The following ASTN1 variants were observed in gnomAD, a reference collection of about 807,000 sequenced individuals.
ASTN1 encodes the protein astrotactin 1.
Under a neutral mutation model 140.7 loss-of-function variants are expected in ASTN1, and 41 were observed. The ratio of observed to expected loss-of-function variants is 0.29; its 90% CI spans 0.23 to 0.38. The LOEUF is 0.38. Among genes scored for constraint, ASTN1 ranks in the 10% least tolerant of loss-of-function variants. ASTN1 has a pLI of 1.00. For missense variants in ASTN1, 1,479 were observed against 1,678.8 expected (o/e 0.88, Z 2.08); for synonymous variants, 640 against 652.2 (o/e 0.98, Z 0.29).
intron 16 of ASTN1, among the ~76,000 whole-genome samples, chr1:176,912,075 A>C (rs1670265502): frequency 6.6e-6 from 1 of 152,218 alleles, no homozygotes; most frequent in Non-Finnish European, 1.5e-5. Context: ...CTCTTTAATA[A>C]AATATCAAAT....
In ASTN1 at chr1:176,957,871, T is replaced by G. The variant is rs769097177; in HGVS notation, c.1737-43A>C. ...GGGAAGCAGGGAGGAGTCAAGGAGATTCCAGATGCAACAAGTGGCATTACA... is the reference window on the plus strand; with the variant it reads ...GGGAAGCAGGGAGGAGTCAAGGAGAGTCCAGATGCAACAAGTGGCATTACA... On this transcript the variant is annotated intron_variant, in intron 10 of 22. Transcript: ENST00000361833. 6.3e-6 allele frequency: 10 copies of G among 1,594,456 alleles called. No individual in the cohort carries two copies. In the South Asian group the frequency reaches 9.0e-5, roughly 14 times the overall value.
In ASTN1 at chr1:176,934,187, C is replaced by T. The variant is rs372179636; in HGVS notation, c.2636G>A (p.Arg879Gln). 171 of 1,613,334 alleles carry T rather than the reference C, an allele frequency of 1.1e-4. No individual in the cohort carries two copies. The highest frequency in any genetic ancestry group is 1.4e-4 in the Non-Finnish European group (171 of 1,179,508). ...SIWYPNKQVQ[R>Q]RLWLEYEDIS... is the part of the protein sequence containing the mutation. Reference sequence around the variant, plus strand: ...GTCTTCATACTCCAGCCAGAGTCGCCGCTGGACCTGCTTGTTTGGGTACCA... The same window carrying T: ...GTCTTCATACTCCAGCCAGAGTCGCTGCTGGACCTGCTTGTTTGGGTACCA... The change falls in exon 16 of 23, where the codon CGG becomes CAG. Residue 879 changes from arginine (R) to glutamine (Q), a missense_variant. Physicochemically the swap from Arg to Gln is conservative, Grantham distance 43. This residue lies in a region of ASTN1 where 746 missense variants were observed against 800.9 expected (regional missense o/e 0.93). Coordinates refer to ENST00000361833, the MANE Select transcript of ASTN1 (RefSeq NM_004319.3).
intron 1 of ASTN1, among the ~76,000 whole-genome samples, chr1:177,088,218 TG>T (rs1183695543): frequency 6.6e-6 from 1 of 152,166 alleles, no homozygotes; most frequent in Non-Finnish European, 1.5e-5. Context: ...CTAAAGAGAA[TG>T]GAAGATTTCC....
chr1:176,988,728 A>C, intron 8 of ASTN1, among the ~76,000 whole-genome samples: 1 of 152,202 alleles, frequency 6.6e-6, no homozygotes, highest in East Asian at 1.9e-4. Flanking sequence ...GCTGTGTTTA[A>C]TAATTTTATG....
In ASTN1 at chr1:177,067,210, C is replaced by A. The variant is rs187876260; in HGVS notation, c.284-5945G>T. ...ATAGGATAGGAGGACAAATAAGATGCACTCCTATGAGAGCCTTATAACCTC... is the reference window on the plus strand; with the variant it reads ...ATAGGATAGGAGGACAAATAAGATGAACTCCTATGAGAGCCTTATAACCTC... On this transcript the variant is annotated intron_variant, in intron 1 of 22. Coordinates refer to ENST00000361833, the MANE Select transcript of ASTN1 (RefSeq NM_004319.3). Among the ~76,000 whole-genome samples the A allele has an allele frequency of 1.1e-3, 164 of 152,110 alleles. 1 individual carries two copies. Among genetic ancestry groups the A allele is most frequent in the African/African-American group, 3.9e-3 (160 of 41,512 alleles).
At chr1:176,922,640 T>C (rs1393308021) in intron 16 of ASTN1, among the ~76,000 whole-genome samples, 2 of 150,620 alleles carry the variant, frequency 1.3e-5, no homozygotes, top group Non-Finnish European at 3.0e-5. Context: ...TAAAACTGTC[T>C]ACGACAAGGT....
At chr1:176,868,345 T>A (rs1668203896) in intron 22 of ASTN1, among the ~76,000 whole-genome samples, 1 of 152,218 alleles carries the variant, frequency 6.6e-6, no homozygotes, top group African/African-American at 2.4e-5. Flanking sequence ...GCACACACTA[T>A]GCGACCCTAG....
At chr1:177,142,370 C>A (rs1483991946) in intron 1 of ASTN1, among the ~76,000 whole-genome samples, 2 of 151,560 alleles carry the variant, frequency 1.3e-5, no homozygotes, top group Admixed American at 1.3e-4. Context: ...TAAACAAAAT[C>A]CAATGTAGAA....
rs1050902489 is a variant in ASTN1, at chr1:177,023,342, G to A, written c.1438+62C>T. 21 of 1,512,856 alleles carry A rather than the reference G, an allele frequency of 1.4e-5. No homozygotes were observed. The African/African-American group carries it at 2.3e-4, about 16-fold the overall frequency. The allele number at this position is 1,512,856 out of a possible 1,614,324, so 93.7% of individuals were successfully genotyped here. A position where few individuals can be genotyped will look rare whatever the true frequency, so the allele number is the denominator to read the frequency against. On this transcript the variant is annotated intron_variant, in intron 7 of 22. Transcript: ENST00000361833. ...TGGGAGGCATGGTCTGAATTTCAAG[G>A]GAGTGATTGCAAGAGGCATGATCTC...
chr1:176,966,431 A>C (rs1187025920), intron 8 of ASTN1, among the ~76,000 whole-genome samples: 2 of 152,140 alleles, frequency 1.3e-5, no homozygotes, highest in East Asian at 3.9e-4. Context: ...CAGAACAAAA[A>C]TTTCCCCATG....
intron 8 of ASTN1, among the ~76,000 whole-genome samples, chr1:176,984,833 T>C (rs537152891): frequency 6.6e-6 from 1 of 152,280 alleles, no homozygotes; most frequent in African/African-American, 2.4e-5. Flanking sequence ...CCCTGGTGCT[T>C]TACTCATTCC....
At chr1:177,107,257 G>A (rs1171064922) in intron 1 of ASTN1, among the ~76,000 whole-genome samples, 8 of 152,134 alleles carry the variant, frequency 5.3e-5, no homozygotes, top group Non-Finnish European at 1.2e-4. Flanking sequence ...CTCAGGTTAA[G>A]ACTGGCAGGT....
At chr1:176,988,304 G>A (rs566025480) in intron 8 of ASTN1, among the ~76,000 whole-genome samples, 2 of 134,270 alleles carry the variant, frequency 1.5e-5, no homozygotes, top group East Asian at 4.0e-4. Context: ...AGAAATTGCA[G>A]AGGATATATT....
At chr1:177,152,492 G>C (rs751826146) in intron 1 of ASTN1, among the ~76,000 whole-genome samples, 11 of 150,848 alleles carry the variant, frequency 7.3e-5, no homozygotes, top group Admixed American at 2.0e-4. Context: ...AAAATACCTA[G>C]AAGTAAATCT....
At chr1:177,037,658 C>A (rs1429321274) in intron 2 of ASTN1, among the ~76,000 whole-genome samples, 1 of 152,182 alleles carries the variant, frequency 6.6e-6, no homozygotes, top group Non-Finnish European at 1.5e-5. Context: ...AAAAGAAACA[C>A]TGACTGTAAG....
intron 16 of ASTN1, among the ~76,000 whole-genome samples, chr1:176,921,056 G>C (rs1670702788): frequency 6.6e-6 from 1 of 152,072 alleles, no homozygotes; most frequent in African/African-American, 2.4e-5. Flanking sequence ...ACGTATTCTG[G>C]GACCTTTGAC....
intron 1 of ASTN1, among the ~76,000 whole-genome samples, chr1:177,093,317 T>G (rs970343686): frequency 6.6e-6 from 1 of 152,194 alleles, no homozygotes; most frequent in African/African-American, 2.4e-5. Flanking sequence ...AAGACATTTG[T>G]TTTCAGCCTC....
chr1:176,908,261 C>G (rs779499576), intron 16 of ASTN1, among the ~76,000 whole-genome samples: 3 of 152,158 alleles, frequency 2.0e-5, no homozygotes, highest in Non-Finnish European at 4.4e-5. Flanking sequence ...GACATACAGA[C>G]CTGGCCCTGC....
chr1:177,123,956 G>C (rs1681521508), intron 1 of ASTN1, among the ~76,000 whole-genome samples: 1 of 152,166 alleles, frequency 6.6e-6, no homozygotes, highest in Admixed American at 6.5e-5. Context: ...GAGGAGGACT[G>C]GTCCATTGTG....
Sources: gnomAD v4.1 joint callset for allele counts (sites outside exome capture counted in the v4.1 genomes callset) on GRCh38, gnomAD v4.1.1 for gene constraint, gnomAD v4.1.1 regional missense constraint, MANE v1.5 for transcripts, NCBI Gene and HGNC (gene_info 2026-07-23, HGNC 2026-07-21) for gene names.